IGF1R: variants seen among roughly 807,000 people sequenced by gnomAD.
The protein encoded by IGF1R is insulin-like growth factor 1 receptor.
In IGF1R, 44 loss-of-function variants were observed where a neutral mutation model predicts 144.6. The observed-to-expected ratio is 0.30, with a 90% confidence interval of 0.24 to 0.39. The LOEUF is 0.39. IGF1R is among the 10% of genes least tolerant of loss of function. IGF1R has a pLI of 1.00. For missense variants in IGF1R, 1,355 were observed against 1,833.7 expected (o/e 0.74, Z 4.77); for synonymous variants, 795 against 722.8 (o/e 1.10, Z -1.60).
chr15:98,650,877 T>A, intron 1 of IGF1R: 1 of 982,180 alleles, frequency 1.0e-6, no homozygotes, highest in Non-Finnish European at 1.2e-6. Flanking sequence ...TTTGGTGGTG[T>A]CGGGTGGGGG....
Position 98,707,467 on chromosome 15 carries a change from C to T in IGF1R, c.95-95C>T, listed in dbSNP as rs1051541615. On this transcript the variant is annotated intron_variant, in intron 1 of 20. Coordinates refer to ENST00000650285, the MANE Select transcript of IGF1R (RefSeq NM_000875.5). This position sits in a 1 kb window ranked among gnomAD's most constrained non-coding sequence, Gnocchi z 6.7. ...GAACCTCATTTCTTTAATAATAATACAGGATTCCTGAAAACCAACTGTATT... is the reference window on the plus strand; with the variant it reads ...GAACCTCATTTCTTTAATAATAATATAGGATTCCTGAAAACCAACTGTATT... The T allele has an allele frequency of 1.3e-5, 16 of 1,230,384 alleles. No homozygotes were observed. Among genetic ancestry groups the T allele is most frequent in the Non-Finnish European group, 1.9e-5 (16 of 856,024 alleles). 76.2% of individuals were successfully genotyped at this position (1,230,384 alleles called of 1,614,324 possible). A position where few individuals can be genotyped will look rare whatever the true frequency, so the allele number is the denominator to read the frequency against.
At chr15:98,878,979 G>C (rs1236248830) in intron 2 of IGF1R, among the ~76,000 whole-genome samples, 1 of 152,000 alleles carries the variant, frequency 6.6e-6, no homozygotes, top group Admixed American at 6.6e-5. Flanking sequence ...CTGGGCGCCA[G>C]AGCAAGACTC....
intron 2 of IGF1R, among the ~76,000 whole-genome samples, chr15:98,776,456 G>A (rs1340755533): frequency 2.0e-5 from 3 of 152,118 alleles, no homozygotes; most frequent in African/African-American, 7.2e-5. Context: ...AAAGTGCTGG[G>A]ATTACAGGTG....
At chr15:98,698,670 C>T (rs2053654794) in intron 1 of IGF1R, among the ~76,000 whole-genome samples, 1 of 152,196 alleles carries the variant, frequency 6.6e-6, no homozygotes, top group Admixed American at 6.5e-5. Flanking sequence ...GACCTCTGGC[C>T]ATGTGATGGG....
At chr15:98,944,625 T>TA (rs1339906205) in intron 19 of IGF1R, among the ~76,000 whole-genome samples, 1 of 152,186 alleles carries the variant, frequency 6.6e-6, no homozygotes, top group Non-Finnish European at 1.5e-5. Context: ...CCTAAATAGT[T>TA]AAAAATCTAG....
At chr15:98,875,677 C>T (rs1212195782) in intron 2 of IGF1R, among the ~76,000 whole-genome samples, 1 of 152,086 alleles carries the variant, frequency 6.6e-6, no homozygotes, top group Non-Finnish European at 1.5e-5. Context: ...GTTCCTTCAT[C>T]TTTCAAAGCA....
intron 2 of IGF1R, among the ~76,000 whole-genome samples, chr15:98,876,314 TA>T (rs35359680): frequency 0.05 from 7,153 of 143,586 alleles, 546 homozygotes; most frequent in African/African-American, 0.17. Flanking sequence ...TATTAAGAGT[TA>T]AAAAAAAAAA....
intron 15 of IGF1R, among the ~76,000 whole-genome samples, chr15:98,932,841 C>G (rs2015997587): frequency 6.6e-6 from 1 of 152,160 alleles, no homozygotes; most frequent in South Asian, 2.1e-4. Context: ...GGAAAGAAAA[C>G]AAGATTATTA....
rs892519436 is a variant in IGF1R at position 98,957,221 on chromosome 15, C to T, written c.3883C>T (p.Leu1295=). The stretch of plus-strand genomic sequence containing the variant: ...GCTGCCCGAGCCGGAGGAGCTGGAC[C>T]TGGAGCCAGAGAACATGGAGAGCGT... The part of the protein sequence containing the change: ...NKLPEPEELD[L]EPENMESVPL... The change falls in exon 21 of 21, where the codon CTG becomes TTG. Residue 1295 remains leucine, a synonymous_variant. Coordinates refer to ENST00000650285, the MANE Select transcript of IGF1R (RefSeq NM_000875.5). 3.7e-6 allele frequency: 6 copies of T among 1,614,250 alleles called. No individual in the cohort carries two copies. The highest frequency in any genetic ancestry group is 2.2e-5 in the East Asian group (1 of 44,882).
chr15:98,680,632 A>G (rs998815743), intron 1 of IGF1R, among the ~76,000 whole-genome samples: 28 of 152,086 alleles, frequency 1.8e-4, no homozygotes, highest in Non-Finnish European at 3.2e-4. Flanking sequence ...TGGCGTGATT[A>G]TAGCTCATTG....
At chr15:98,797,790 C>G (rs2141428726) in intron 2 of IGF1R, among the ~76,000 whole-genome samples, 1 of 152,250 alleles carries the variant, frequency 6.6e-6, no homozygotes, top group East Asian at 1.9e-4. Context: ...AAATGGAAAA[C>G]AAATGGAAAC....
intron 2 of IGF1R, among the ~76,000 whole-genome samples, chr15:98,889,372 G>A (rs2013796195): frequency 1.3e-5 from 2 of 152,212 alleles, no homozygotes; most frequent in Admixed American, 1.3e-4. Context: ...ACTAGTGGGT[G>A]TGTAAACCGG....
chr15:98,671,051 T>C (rs2052877400), intron 1 of IGF1R, among the ~76,000 whole-genome samples: 1 of 152,216 alleles, frequency 6.6e-6, no homozygotes, highest in African/African-American at 2.4e-5. Flanking sequence ...GACTCCTGTG[T>C]GCGGGCATTT....
intron 1 of IGF1R, among the ~76,000 whole-genome samples, chr15:98,688,359 T>A: frequency 7.1e-6 from 1 of 141,222 alleles, no homozygotes; most frequent in African/African-American, 2.7e-5. Flanking sequence ...CCCCACACTC[T>A]CTCTCCCCCG....
intron 2 of IGF1R, among the ~76,000 whole-genome samples, chr15:98,753,591 T>TC (rs1431004671): frequency 2.0e-5 from 3 of 151,856 alleles, no homozygotes; most frequent in African/African-American, 7.3e-5. Context: ...GGGTTTTTTT[T>TC]CCTCCTGAGA....
intron 1 of IGF1R, among the ~76,000 whole-genome samples, chr15:98,672,480 GA>G (rs1218928915): frequency 6.7e-6 from 1 of 149,134 alleles, no homozygotes; most frequent in Non-Finnish European, 1.5e-5. Context: ...TGAGGTGGGA[GA>G]ATCACTTGAA....
intron 2 of IGF1R, among the ~76,000 whole-genome samples, chr15:98,793,411 A>G (rs1360309332): frequency 6.6e-6 from 1 of 152,232 alleles, no homozygotes; most frequent in African/African-American, 2.4e-5. Flanking sequence ...ATGTAATCAG[A>G]TGTTCCTGTT....
chr15:98,873,274 T>TA (rs750016952), intron 2 of IGF1R, among the ~76,000 whole-genome samples: 18 of 152,354 alleles, frequency 1.2e-4, no homozygotes, highest in Non-Finnish European at 2.4e-4. Flanking sequence ...TTTTCACTGA[T>TA]ACTTTTTTTC....
chr15:98,788,655 T>C (rs528695540), intron 2 of IGF1R, among the ~76,000 whole-genome samples: 2 of 152,350 alleles, frequency 1.3e-5, no homozygotes, highest in Non-Finnish European at 2.9e-5. Context: ...TTGATTGGGC[T>C]ACCCAAGGAT....
Sources: allele counts gnomAD v4.1 joint callset (sites outside exome capture counted in the v4.1 genomes callset), GRCh38; gene constraint gnomAD v4.1.1; non-coding constraint Gnocchi (gnomAD v3.1); transcripts MANE v1.5; gene names NCBI Gene and HGNC (gene_info 2026-07-23, HGNC 2026-07-21).